Variants in IGSF21 observed in about 807,000 individuals in gnomAD.
IGSF21 encodes immunoglobulin superfamily member 21.
Under a neutral mutation model 46.8 loss-of-function variants are expected in IGSF21, and 28 were observed. The observed-to-expected ratio is 0.60, with a 90% CI of 0.44 to 0.82. The LOEUF is 0.82. Among genes scored for constraint, IGSF21 ranks in the 40% least tolerant of loss-of-function variants. IGSF21 has a pLI of 0.00. For synonymous variants in IGSF21, 284 were observed against 273.6 expected (o/e 1.04, Z -0.38); for missense variants, 624 against 665.5 (o/e 0.94, Z 0.69).
intron 3 of IGSF21, among the ~76,000 whole-genome samples, chr1:18,298,225 G>T (rs1457186052): frequency 6.6e-6 from 1 of 152,220 alleles, no homozygotes; most frequent in African/African-American, 2.4e-5. Context: ...CTGATATGCG[G>T]TTTGTCAAGC....
intron 1 of IGSF21, among the ~76,000 whole-genome samples, chr1:18,128,160 A>G (rs2086289444): frequency 6.6e-6 from 1 of 152,186 alleles, no homozygotes. Context: ...GGTTCTGAAC[A>G]GGAGGCAAGA....
chr1:18,336,254 G>A (rs1569834162), intron 4 of IGSF21, among the ~76,000 whole-genome samples: 5 of 152,294 alleles, frequency 3.3e-5, no homozygotes, highest in Admixed American at 3.3e-4. Flanking sequence ...ATGCTGGAAG[G>A]AAATAAAGCA....
At chr1:18,318,151 C>A (rs2085561864) in intron 3 of IGSF21, among the ~76,000 whole-genome samples, 1 of 152,212 alleles carries the variant, frequency 6.6e-6, no homozygotes, top group African/African-American at 2.4e-5. Flanking sequence ...GGCCACACCA[C>A]ACCCAGCCAT....
At chr1:18,203,754 C>A (rs920439741) in intron 1 of IGSF21, among the ~76,000 whole-genome samples, 2 of 152,204 alleles carry the variant, frequency 1.3e-5, no homozygotes, top group African/African-American at 4.8e-5. Context: ...CAGAATCCTG[C>A]CTCCAGTATT....
chr1:18,370,006 C>T (rs1366146987), intron 6 of IGSF21, among the ~76,000 whole-genome samples: 1 of 152,160 alleles, frequency 6.6e-6, no homozygotes, highest in Non-Finnish European at 1.5e-5. Flanking sequence ...CTCTTCCCTC[C>T]TATCCCACAT....
intron 6 of IGSF21, chr1:18,376,027 T>G: frequency 2.9e-6 from 1 of 344,736 alleles, no homozygotes; most frequent in Admixed American, 3.7e-5. Flanking sequence ...GTTGTTTGTC[T>G]TTCTTCCCCA....
chr1:18,319,062 C>G (rs2085573273), intron 3 of IGSF21, among the ~76,000 whole-genome samples: 1 of 152,214 alleles, frequency 6.6e-6, no homozygotes, highest in Admixed American at 6.5e-5. Flanking sequence ...GTGAGTATGT[C>G]TTAAACTAGA....
intron 1 of IGSF21, among the ~76,000 whole-genome samples, chr1:18,108,913 G>A (rs2086116379): frequency 6.6e-6 from 1 of 151,362 alleles, no homozygotes; most frequent in Non-Finnish European, 1.5e-5. Flanking sequence ...GTGTATGCGT[G>A]CCATGGAGCG....
At chr1:18,312,137 C>T (rs370146953) in intron 3 of IGSF21, among the ~76,000 whole-genome samples, 6 of 152,312 alleles carry the variant, frequency 3.9e-5, no homozygotes, top group African/African-American at 1.4e-4. Flanking sequence ...CTCCCTCTTG[C>T]ACTAGAAATC....
intron 2 of IGSF21, among the ~76,000 whole-genome samples, chr1:18,245,298 A>C (rs1213476172): frequency 6.6e-6 from 1 of 152,336 alleles, no homozygotes; most frequent in East Asian, 1.9e-4. Context: ...TATTGAAATA[A>C]TCATATGGTT....
rs1272218354 is a variant in IGSF21, at chr1:18,337,913, G to C, written c.424+2903G>C. 6.6e-6 allele frequency among the ~76,000 whole-genome samples: 1 copy of C among 152,166 alleles called. No individual in the cohort carries two copies. Among genetic ancestry groups the C allele is most frequent in the Non-Finnish European group, 1.5e-5 (1 of 68,030 alleles). ...AATTTGCTCCAGGCCTTATAGGGTG[G>C]GGGTTATCTCTGTGCCAGAGGAGCG... On this transcript the variant is annotated intron_variant, in intron 4 of 9. Transcript: ENST00000251296. The surrounding 1 kb of genome is among the most constrained non-coding windows in gnomAD (Gnocchi z 5.7).
intron 1 of IGSF21, 69 bp downstream of exon 1, chr1:18,108,267 C>T: frequency 2.3e-6 from 3 of 1,297,762 alleles, no homozygotes; most frequent in Non-Finnish European, 2.9e-6. Flanking sequence ...CGGGGGAGGG[C>T]GCTGGCCGGG....
At chr1:18,363,546 C>T (rs1372437418) in intron 5 of IGSF21, among the ~76,000 whole-genome samples, 1 of 149,420 alleles carries the variant, frequency 6.7e-6, no homozygotes, top group African/African-American at 2.5e-5. Context: ...GGCAAGGGCA[C>T]AGAGACATAG....
At chr1:18,294,022 C>G (rs1272892039) in intron 3 of IGSF21, among the ~76,000 whole-genome samples, 1 of 152,238 alleles carries the variant, frequency 6.6e-6, no homozygotes, top group African/African-American at 2.4e-5. Flanking sequence ...TAACCTCTCT[C>G]TCTCTCTGCT....
At chr1:18,343,857 G>C (rs777681112) in intron 4 of IGSF21, among the ~76,000 whole-genome samples, 2 of 152,202 alleles carry the variant, frequency 1.3e-5, no homozygotes, top group African/African-American at 4.8e-5. Flanking sequence ...CCTCCAGCCT[G>C]GCTGTTACTC....
chr1:18,108,499 AGTGTGTGTGTGC>A (rs1557539901), intron 1 of IGSF21, among the ~76,000 whole-genome samples: 2 of 150,550 alleles, frequency 1.3e-5, no homozygotes, highest in Non-Finnish European at 3.0e-5. Flanking sequence ...TAGAGATGCA[AGTGTGTGTGTGC>A]GTGTGTGTGT....
At chr1:18,358,485 TGCTCCCCA>T (rs2086048750) in intron 4 of IGSF21, among the ~76,000 whole-genome samples, 2 of 152,348 alleles carry the variant, frequency 1.3e-5, no homozygotes, top group South Asian at 4.1e-4. Flanking sequence ...ACATTTCAGG[TGCTCCCCA>T]GCCACATGGG....
intron 1 of IGSF21, among the ~76,000 whole-genome samples, chr1:18,171,007 C>A (rs1401524048): frequency 6.6e-6 from 1 of 151,936 alleles, no homozygotes; most frequent in African/African-American, 2.4e-5. Flanking sequence ...AGCAAGGAAA[C>A]AGCAGACATG....
intron 6 of IGSF21, among the ~76,000 whole-genome samples, chr1:18,367,894 G>A (rs114591957): frequency 0.024 from 3,699 of 151,826 alleles, 65 homozygotes; most frequent in Non-Finnish European, 0.034. Context: ...GTGAGCCACC[G>A]CACCCAGCAG....
Sources: gnomAD v4.1 joint callset for allele counts (sites outside exome capture counted in the v4.1 genomes callset) on GRCh38, gnomAD v4.1.1 for gene constraint, Gnocchi (gnomAD v3.1) non-coding constraint, MANE v1.5 for transcripts, NCBI Gene and HGNC (gene_info 2026-07-23, HGNC 2026-07-21) for gene names.